Variants in HEMK2 observed in about 807,000 individuals in gnomAD.
HEMK2 encodes methyltransferase HEMK2.
At chr21:28,882,848 G>A in the HEMK2 span, 1 of 471,160 alleles carries the variant, frequency 2.1e-6, no homozygotes, top group Non-Finnish European at 3.7e-6. Context: ...TAATTTTTAG[G>A]GAAGCATAGT....
At chr21:28,692,811 T>C in the HEMK2 span, among the ~76,000 whole-genome samples, 1 of 152,148 alleles carries the variant, frequency 6.6e-6, no homozygotes, top group East Asian at 1.9e-4. Flanking sequence ...AAGAGGCTAT[T>C]ATTCTACAAT....
At chr21:28,673,168 GGA>G in the HEMK2 span, among the ~76,000 whole-genome samples, 1 of 150,106 alleles carries the variant, frequency 6.7e-6, no homozygotes, top group East Asian at 1.9e-4. Flanking sequence ...AGGAAGGGAG[GGA>G]GAGAGGGAGG....
the HEMK2 span, among the ~76,000 whole-genome samples, chr21:28,708,065 T>G: frequency 6.6e-6 from 1 of 152,144 alleles, no homozygotes; most frequent in African/African-American, 2.4e-5. Context: ...AAGCAATTAC[T>G]TTAAAAACAA....
chr21:28,614,019 C>T, the HEMK2 span, among the ~76,000 whole-genome samples: 6 of 152,206 alleles, frequency 3.9e-5, no homozygotes, highest in Non-Finnish European at 8.8e-5. Context: ...AAACCAATGC[C>T]TGTCTCTTGC....
At chr21:28,636,154 A>G in the HEMK2 span, among the ~76,000 whole-genome samples, 1 of 152,098 alleles carries the variant, frequency 6.6e-6, no homozygotes, top group African/African-American at 2.4e-5. Flanking sequence ...TTTTTGGTAC[A>G]TTGAGTATCT....
chr21:28,605,459 T>A, the HEMK2 span, among the ~76,000 whole-genome samples: 1 of 152,240 alleles, frequency 6.6e-6, no homozygotes, highest in African/African-American at 2.4e-5. Flanking sequence ...TCAAATGTCT[T>A]CAAATATGTC....
chr21:28,701,561 C>CAT, the HEMK2 span, among the ~76,000 whole-genome samples: 1 of 112,352 alleles, frequency 8.9e-6, no homozygotes, highest in African/African-American at 3.8e-5. Context: ...CACACACATA[C>CAT]ACACACACAC....
the HEMK2 span, among the ~76,000 whole-genome samples, chr21:28,704,309 C>G: frequency 1.3e-5 from 2 of 152,152 alleles, no homozygotes. Context: ...TCCTAATGCA[C>G]TGCTCAAGCA....
chr21:28,771,522 C>T, the HEMK2 span, among the ~76,000 whole-genome samples: 4 of 119,162 alleles, frequency 3.4e-5, no homozygotes, highest in African/African-American at 8.6e-5. Flanking sequence ...TGCACCACCC[C>T]CCCCCGCCAA....
chr21:28,776,119 T>C, the HEMK2 span, among the ~76,000 whole-genome samples: 1 of 152,220 alleles, frequency 6.6e-6, no homozygotes, highest in African/African-American at 2.4e-5. Flanking sequence ...GAGAAAAGTC[T>C]AGCAGACAGG....
the HEMK2 span, among the ~76,000 whole-genome samples, chr21:28,818,826 A>G: frequency 2.0e-5 from 3 of 152,194 alleles, no homozygotes; most frequent in African/African-American, 4.8e-5. Flanking sequence ...GGCCTCCCCA[A>G]ATCATGTCGG....
chr21:28,608,733 G>A, the HEMK2 span, among the ~76,000 whole-genome samples: 1 of 152,252 alleles, frequency 6.6e-6, no homozygotes, highest in African/African-American at 2.4e-5. Flanking sequence ...GAGTGACACT[G>A]GCCTTTTGGG....
At chr21:28,659,930 A>C in the HEMK2 span, among the ~76,000 whole-genome samples, 1 of 152,078 alleles carries the variant, frequency 6.6e-6, no homozygotes, top group Non-Finnish European at 1.5e-5. Flanking sequence ...ATTTGGGGAG[A>C]ATTGAAATAC....
chr21:28,774,418 T>A, the HEMK2 span, among the ~76,000 whole-genome samples: 2 of 152,088 alleles, frequency 1.3e-5, no homozygotes, highest in East Asian at 3.9e-4. Context: ...TGAGACACTG[T>A]CTCCACAAAA....
the HEMK2 span, among the ~76,000 whole-genome samples, chr21:28,723,148 T>C: frequency 6.6e-6 from 1 of 152,148 alleles, no homozygotes; most frequent in Non-Finnish European, 1.5e-5. Flanking sequence ...AGCTGGCGCC[T>C]ACAGTTGCAC....
At chr21:28,864,826 G>A in the HEMK2 span, among the ~76,000 whole-genome samples, 3 of 132,190 alleles carry the variant, frequency 2.3e-5, no homozygotes, top group South Asian at 8.7e-4. Context: ...CAGACAGATA[G>A]ATAGATAGAT....
At chr21:28,832,023 C>A in the HEMK2 span, among the ~76,000 whole-genome samples, 1 of 152,082 alleles carries the variant, frequency 6.6e-6, no homozygotes, top group Non-Finnish European at 1.5e-5. Context: ...ATTTTTTTAA[C>A]AAGGAATGTA....
the HEMK2 span, among the ~76,000 whole-genome samples, chr21:28,819,039 G>A: frequency 6.6e-6 from 1 of 152,098 alleles, no homozygotes; most frequent in Non-Finnish European, 1.5e-5. Flanking sequence ...CCTAAGAACT[G>A]TGGGTTATCT....
At chr21:28,579,810 G>T in the HEMK2 span, among the ~76,000 whole-genome samples, 155 of 152,206 alleles carry the variant, frequency 1.0e-3, 3 homozygotes, top group East Asian at 0.029. Flanking sequence ...CATGCAAAGG[G>T]CCCCAGTTTT....
Sources: gnomAD v4.1 joint callset for allele counts (sites outside exome capture counted in the v4.1 genomes callset) on GRCh38, gnomAD v4.1.1 for gene constraint, MANE v1.5 for transcripts, NCBI Gene and HGNC (gene_info 2026-07-23, HGNC 2026-07-21) for gene names.